The following IDI1 variants were observed in gnomAD, a reference collection of about 807,000 sequenced individuals.
IDI1 encodes isopentenyl-diphosphate Delta-isomerase 1.
In IDI1, 23 loss-of-function variants were observed where a neutral mutation model predicts 32.9. The observed-to-expected ratio is 0.70, with a 90% CI of 0.50 to 0.99. The LOEUF (loss-of-function observed/expected upper bound fraction) is 0.99. Among genes scored for constraint, IDI1 ranks in the 50% least tolerant of loss-of-function variants. IDI1 has a pLI of 0.00. For missense variants in IDI1, 326 were observed against 351.9 expected (o/e 0.93, Z 0.59); for synonymous variants, 133 against 128.2 (o/e 1.04, Z -0.25).
At chr10:1,046,517 A>G in intron 1 of IDI1, among the ~76,000 whole-genome samples, 1 of 144,698 alleles carries the variant, frequency 6.9e-6, no homozygotes. Context: ...CACACAGCCC[A>G]GCTGCTCCAC....
chr10:1,052,165 C>A (rs2131590220), upstream of IDI1, among the ~76,000 whole-genome samples: 1 of 152,292 alleles, frequency 6.6e-6, no homozygotes, highest in East Asian at 1.9e-4. Context: ...GCCACCGCAC[C>A]CGGCCAGGAA....
chr10:1,048,467 G>GT, intron 1 of IDI1: 1 of 1,257,446 alleles, frequency 8.0e-7, no homozygotes, highest in Non-Finnish European at 1.0e-6. Context: ...CGTCACGCTC[G>GT]TGTTTCTGAC....
chr10:1,043,201 T>C, intron 3 of IDI1, 100 bp downstream of exon 3: 1 of 733,084 alleles, frequency 1.4e-6, no homozygotes, highest in Non-Finnish European at 2.4e-6. Context: ...ATTATGCCAT[T>C]CACAGGATTT....
chr10:1,048,800 G>A (rs932887870), intron 1 of IDI1, 64 bp downstream of exon 1: 20 of 1,558,288 alleles, frequency 1.3e-5, no homozygotes, highest in Non-Finnish European at 1.6e-5. Flanking sequence ...TCCCCGCCCC[G>A]TCCCGCAGCT....
chr10:1,053,136 G>T (rs529107073), upstream of IDI1, among the ~76,000 whole-genome samples: 4 of 152,170 alleles, frequency 2.6e-5, no homozygotes, highest in Admixed American at 6.5e-5. Flanking sequence ...TGAGTAGCTG[G>T]GACTACAGGC....
Position 1,043,966 on chromosome 10 carries a change from C to A in IDI1, c.313+33G>T, listed in dbSNP as rs551104957. The A allele has an allele frequency of 1.5e-5, 23 of 1,584,870 alleles. No homozygotes were observed. In the East Asian group the frequency reaches 5.1e-4, roughly 35 times the overall value. ...GCAAATCGGAAATGCCTACACAAATCGCTTTACAAGAAAGACTGTTTCAAA... is the reference window on the plus strand; with the variant it reads ...GCAAATCGGAAATGCCTACACAAATAGCTTTACAAGAAAGACTGTTTCAAA... On this transcript the variant is annotated intron_variant, in intron 2 of 4. Coordinates refer to ENST00000381344, the MANE Select transcript of IDI1 (RefSeq NM_004508.4).
Position 1,040,938 on chromosome 10 carries a change from AT to A in IDI1, c.*248del, listed in dbSNP as rs375453766. 1.1e-3 allele frequency: 391 copies of A among 365,978 alleles called. 1 individual carries two copies. The highest frequency in any genetic ancestry group is 7.1e-3 in the African/African-American group (344 of 48,162). The allele number at this position is 365,978 out of a possible 1,614,324, so 22.7% of individuals were successfully genotyped here. On this transcript the variant is annotated 3_prime_UTR_variant, in exon 5 of 5. Transcript: ENST00000381344. ...AATTAAGTTTTATTTGCTCGCTCTC[AT>A]TTTACAATAATCTCTCACAAATGTC...
intron 4 of IDI1, 200 bp downstream of exon 4, chr10:1,042,432 C>CG: frequency 1.8e-6 from 1 of 549,508 alleles, no homozygotes; most frequent in Non-Finnish European, 3.3e-6. Context: ...AATCCATCCC[C>CG]GTATTGAGCT....
chr10:1,048,799 C>T, intron 1 of IDI1, 65 bp downstream of exon 1: 2 of 1,565,602 alleles, frequency 1.3e-6, no homozygotes, highest in Non-Finnish European at 1.7e-6. Flanking sequence ...CTCCCCGCCC[C>T]GTCCCGCAGC....
intron 1 of IDI1, chr10:1,048,180 G>C: frequency 2.5e-6 from 3 of 1,217,204 alleles, no homozygotes; most frequent in East Asian, 1.1e-4. Context: ...TGCTCTTTCA[G>C]GATTTTCAGA....
the IDI1 span, among the ~76,000 whole-genome samples, chr10:1,055,270 G>A: frequency 1.6e-4 from 25 of 152,276 alleles, no homozygotes; most frequent in Non-Finnish European, 3.1e-4. Flanking sequence ...TTCCTTTGGG[G>A]ATTAAATTAG....
chr10:1,056,580 C>T, the IDI1 span: 1 of 152,228 alleles, frequency 6.6e-6, no homozygotes, highest in Non-Finnish European at 1.5e-5. Context: ...TAGCTACGAC[C>T]CCCGAGGCCA....
In IDI1 at chr10:1,042,723, T is replaced by C. The variant is rs754453356; in HGVS notation, c.446A>G (p.Asn149Ser). ...GTCACTTTCCTCAAGCTCGGCTGGA[T>C]TGCTTAATGGATGACTACAACACGT... ...TNTCCSHPLS[N>S]PAELEESDAL... The change falls in exon 4 of 5, where the codon AAT becomes AGT. Residue 149 changes from asparagine to serine, a missense_variant. Coordinates refer to ENST00000381344, the MANE Select transcript of IDI1 (RefSeq NM_004508.4). The C allele has an allele frequency of 1.2e-5, 19 of 1,613,834 alleles. No individual in the cohort carries two copies. The highest frequency in any genetic ancestry group is 1.5e-5 in the Non-Finnish European group (18 of 1,179,896).
chr10:1,048,907 G>A lies in IDI1; in HGVS notation c.97C>T (p.Arg33Cys). The A allele has an allele frequency of 2.5e-6, 4 of 1,605,516 alleles. No homozygotes were observed. Among genetic ancestry groups the A allele is most frequent in the South Asian group, 2.2e-5 (2 of 90,562 alleles). ...VRAADCAQSGRHPGPAVVCGR... is the reference protein window; with the variant it reads ...VRAADCAQSGCHPGPAVVCGR... ...CAGACAACCGCCGGTCCCGGATGGC[G>A]CCCGCTTTGAGCACAGTCTGCGGCG... is the stretch of plus-strand genomic sequence containing the variant. Residue 33 changes from arginine (R) to cysteine (C), a missense_variant, in exon 1 of 5, where the codon CGC (arginine) becomes TGC (cysteine). Coordinates refer to ENST00000381344, the MANE Select transcript of IDI1 (RefSeq NM_004508.4).
At chr10:1,054,152 T>G in the IDI1 span, among the ~76,000 whole-genome samples, 1 of 152,158 alleles carries the variant, frequency 6.6e-6, no homozygotes, top group African/African-American at 2.4e-5. Flanking sequence ...GAGAGAGACA[T>G]GAAGTGAGCA....
chr10:1,049,349 G>T (rs1365906208), upstream of IDI1, among the ~76,000 whole-genome samples: 1 of 152,212 alleles, frequency 6.6e-6, no homozygotes, highest in Non-Finnish European at 1.5e-5. Flanking sequence ...AAGCGCCCGG[G>T]CGCCAAGCCC....
upstream of IDI1, among the ~76,000 whole-genome samples, chr10:1,050,823 C>T (rs557631962): frequency 4.6e-5 from 7 of 152,348 alleles, no homozygotes; most frequent in Non-Finnish European, 8.8e-5. Context: ...GGCGAGAACA[C>T]GTAAACACCA....
chr10:1,054,616 A>G, the IDI1 span, among the ~76,000 whole-genome samples: 2 of 152,238 alleles, frequency 1.3e-5, no homozygotes, highest in Non-Finnish European at 2.9e-5. Flanking sequence ...GTAACTGGAT[A>G]CCAGGATTGC....
At chr10:1,046,259 T>G (rs1246460313) in intron 1 of IDI1, among the ~76,000 whole-genome samples, 2 of 152,194 alleles carry the variant, frequency 1.3e-5, no homozygotes, top group Non-Finnish European at 2.9e-5. Context: ...ACTACAGTGG[T>G]TCCATAAAAT....
Sources: allele counts gnomAD v4.1 joint callset (sites outside exome capture counted in the v4.1 genomes callset), GRCh38; gene constraint gnomAD v4.1.1; transcripts MANE v1.5; gene names NCBI Gene and HGNC (gene_info 2026-07-23, HGNC 2026-07-21).